The following CAST variants were observed in gnomAD, a reference collection of about 807,000 sequenced individuals.
The protein encoded by CAST is MIR583 host.
CAST carries 76 observed loss-of-function variants against 119.6 expected under a neutral mutation model. The ratio of observed to expected loss-of-function variants is 0.64; its 90% CI spans 0.53 to 0.77. The LOEUF is 0.77. CAST is among the 30% of genes least tolerant of loss of function. The pLI is 0.00. For missense variants in CAST, 953 were observed against 946.5 expected (o/e 1.01, Z -0.09); for synonymous variants, 319 against 331.6 (o/e 0.96, Z 0.41).
At chr5:96,160,756 A>G in the CAST span, among the ~76,000 whole-genome samples, 2 of 152,280 alleles carry the variant, frequency 1.3e-5, no homozygotes, top group South Asian at 2.1e-4. Flanking sequence ...ATTTCTCCAT[A>G]TCTTCATTAA....
At chr5:96,287,309 A>G in the CAST span, among the ~76,000 whole-genome samples, 3 of 152,164 alleles carry the variant, frequency 2.0e-5, no homozygotes, top group Non-Finnish European at 4.4e-5. Flanking sequence ...TCATAATTGA[A>G]AAGAAAAAGA....
intron 1 of CAST, among the ~76,000 whole-genome samples, chr5:96,654,871 T>C (rs1748138019): frequency 6.6e-6 from 1 of 152,210 alleles, no homozygotes; most frequent in African/African-American, 2.4e-5. Context: ...GTTAAGACTT[T>C]CCTTTTATTA....
At chr5:96,481,078 T>C in the CAST span, among the ~76,000 whole-genome samples, 1 of 151,798 alleles carries the variant, frequency 6.6e-6, no homozygotes, top group Non-Finnish European at 1.5e-5. Flanking sequence ...ACAGCTAAAT[T>C]GGCATGTGGA....
the CAST span, among the ~76,000 whole-genome samples, chr5:96,354,021 C>T: frequency 6.6e-6 from 1 of 152,164 alleles, no homozygotes; most frequent in Non-Finnish European, 1.5e-5. Flanking sequence ...AGGCCAGAAA[C>T]CTTGTAGTCA....
the CAST span, among the ~76,000 whole-genome samples, chr5:96,488,406 GA>G: frequency 6.6e-6 from 1 of 151,978 alleles, no homozygotes; most frequent in Non-Finnish European, 1.5e-5. Context: ...ATACATTGAT[GA>G]ACCTCCTCTT....
At position 96,678,276 on chromosome 5, in the gene CAST, G is replaced by A. The variant is rs551988888; in HGVS notation, c.138+2675G>A. 9.9e-5 allele frequency among the ~76,000 whole-genome samples: 15 copies of A among 152,228 alleles called. No homozygotes were observed. In the East Asian group the frequency reaches 2.9e-3, roughly 29 times the overall value. On this transcript the variant is annotated intron_variant, in intron 2 of 31. Coordinates refer to ENST00000675179, the MANE Select transcript of CAST (RefSeq NM_001750.7). ...GTTTTTAGTAATCCATTTTCAAACT[G>A]GCATGTACCCTCCAATGTTAAATAA...
At chr5:96,284,416 C>T in the CAST span, among the ~76,000 whole-genome samples, 7 of 152,290 alleles carry the variant, frequency 4.6e-5, no homozygotes, top group African/African-American at 1.4e-4. Flanking sequence ...TAGACCACAA[C>T]ACCCCTGCAG....
chr5:96,211,918 A>G, the CAST span, among the ~76,000 whole-genome samples: 1 of 152,106 alleles, frequency 6.6e-6, no homozygotes, highest in Non-Finnish European at 1.5e-5. Context: ...TTTTGCATGT[A>G]GAATTGCCAC....
chr5:96,064,504 T>C, the CAST span, among the ~76,000 whole-genome samples: 2 of 151,970 alleles, frequency 1.3e-5, no homozygotes, highest in African/African-American at 2.4e-5. Context: ...ATTTCATTTT[T>C]GTACTTTCAT....
At chr5:96,015,519 T>A in the CAST span, among the ~76,000 whole-genome samples, 41,109 of 152,018 alleles carry the variant, frequency 0.27, 7,035 homozygotes, top group Middle Eastern at 0.4. Context: ...TCACCTATAA[T>A]ATATATTCAT....
At chr5:96,573,298 A>AT (rs1746604476) in intron 1 of CAST, among the ~76,000 whole-genome samples, 2 of 151,414 alleles carry the variant, frequency 1.3e-5, no homozygotes, top group South Asian at 4.2e-4. Context: ...TTTTTGTTTT[A>AT]TTTTTTATGC....
the CAST span, among the ~76,000 whole-genome samples, chr5:96,249,627 T>C: frequency 4.6e-5 from 7 of 152,194 alleles, no homozygotes; most frequent in African/African-American, 1.7e-4. Context: ...GAAAAGTCAG[T>C]CATTTTTGAA....
chr5:96,084,484 G>T, the CAST span, among the ~76,000 whole-genome samples: 1 of 152,214 alleles, frequency 6.6e-6, no homozygotes, highest in South Asian at 2.1e-4. Context: ...CTTCTTGTTA[G>T]GCTTTTGGAT....
chr5:96,683,326 G>T (rs1751675448), intron 2 of CAST, among the ~76,000 whole-genome samples: 1 of 152,098 alleles, frequency 6.6e-6, no homozygotes, highest in African/African-American at 2.4e-5. Context: ...CATTTGGTAG[G>T]CTTCCTTTAG....
At chr5:96,477,065 AACACACACACACACACAC>A in the CAST span, among the ~76,000 whole-genome samples, 685 of 136,672 alleles carry the variant, frequency 5.0e-3, 3 homozygotes, top group Middle Eastern at 0.014. Context: ...AATGTGCCAA[AACACACACACACACACAC>A]ACACACACAC....
In CAST at chr5:96,662,383, G is replaced by A. The variant is rs1318163705; in HGVS notation, c.-40G>A. On this transcript the variant is annotated 5_prime_UTR_variant, in exon 1 of 32. Coordinates refer to ENST00000675179, the MANE Select transcript of CAST (RefSeq NM_001750.7). ...CCGCCAGGCCTCCCCGCCACTCTCC[G>A]CGGCGCATTCCGGGAGGCAGCGGCC... The A allele has an allele frequency of 8.4e-7, 1 of 1,190,394 alleles. No individual in the cohort carries two copies. The highest frequency in any genetic ancestry group is 1.1e-6 in the Non-Finnish European group (1 of 951,566). The allele number at this position is 1,190,394 out of a possible 1,614,324, so 73.7% of individuals were successfully genotyped here. A position where few individuals can be genotyped will look rare whatever the true frequency, so the allele number is the denominator to read the frequency against.
At chr5:96,309,925 T>G in the CAST span, among the ~76,000 whole-genome samples, 1 of 152,376 alleles carries the variant, frequency 6.6e-6, no homozygotes, top group Non-Finnish European at 1.5e-5. Context: ...CTTTTAATTC[T>G]TTCTCTTACT....
At chr5:96,035,086 TA>T in the CAST span, among the ~76,000 whole-genome samples, 5 of 141,472 alleles carry the variant, frequency 3.5e-5, no homozygotes, top group African/African-American at 1.3e-4. Context: ...TATATATATA[TA>T]TTTAAGTATA....
the CAST span, among the ~76,000 whole-genome samples, chr5:96,410,193 C>T: frequency 6.6e-6 from 1 of 152,114 alleles, no homozygotes; most frequent in South Asian, 2.1e-4. Flanking sequence ...CTCATGGAAG[C>T]AAAGGCGCAG....
Sources: allele counts gnomAD v4.1 joint callset (sites outside exome capture counted in the v4.1 genomes callset), GRCh38; gene constraint gnomAD v4.1.1; transcripts MANE v1.5; gene names NCBI Gene and HGNC (gene_info 2026-07-23, HGNC 2026-07-21).